Variants in BCL2L2 observed in about 807,000 individuals in gnomAD.
BCL2L2 encodes the protein BCL2 like 2, also known as bcl-2-like protein 2.
BCL2L2 carries 6 observed loss-of-function variants against 14.6 expected under a neutral mutation model. That is an observed-to-expected ratio of 0.41 (90% CI 0.22 to 0.81). BCL2L2 has a LOEUF of 0.81. Ranked by LOEUF, BCL2L2 falls within the 30% of genes least tolerant of loss-of-function variation. BCL2L2 has a pLI of 0.32. For synonymous variants in BCL2L2, 90 were observed against 108.5 expected, an observed-to-expected ratio of 0.83 and a Z score of 1.06; for missense variants, 191 against 260.5, an observed-to-expected ratio of 0.73 and a Z score of 1.84.
In BCL2L2 at chr14:23,310,425, C is replaced by G. The variant is rs1535094; in HGVS notation, c.*1460C>G. On this transcript the variant is annotated 3_prime_UTR_variant, in exon 4 of 4. Transcript: ENST00000250405. ...TGCCTGTGGTCCTGAGCACTGATCA[C>G]CTTAGCTAGACCATGGTTGACTCTT... The G allele has an allele frequency of 0.95, 955,347 of 1,007,250 alleles. 453,151 individuals carry two copies. Among genetic ancestry groups the G allele is most frequent in the East Asian group, 0.97 (8,797 of 9,088 alleles). The allele number at this position is 1,007,250 out of a possible 1,614,324, so 62.4% of individuals were successfully genotyped here.
At position 23,311,419 on chromosome 14, in the gene BCL2L2, G is replaced by A; in HGVS notation, c.*2454G>A. ...TTTCAAAGATTAAGTAGGAGGAGAG[G>A]GGTTTCTTGCTCTCCAGAGCCCAAA... On this transcript the variant is annotated 3_prime_UTR_variant, in exon 4 of 4. Coordinates refer to ENST00000250405, the MANE Select transcript of BCL2L2 (RefSeq NM_004050.5). 6.5e-6 allele frequency: 7 copies of A among 1,077,964 alleles called. 1 individual carries two copies. The highest frequency in any genetic ancestry group is 7.9e-6 in the Non-Finnish European group (7 of 886,592). 66.8% of individuals were successfully genotyped at this position (1,077,964 alleles called of 1,614,324 possible). A position where few individuals can be genotyped will look rare whatever the true frequency, so the allele number is the denominator to read the frequency against.
rs188775826 is a variant in BCL2L2 at position 23,310,458 on chromosome 14, A to T, written c.*1493A>T. On this transcript the variant is annotated 3_prime_UTR_variant, in exon 4 of 4. Transcript: ENST00000250405. ...AGACCATGGTTGACTCTTCTTGGAG[A>T]TTTTCACTTGGTCCTAGAATGTGGC... The T allele has an allele frequency of 5.0e-4, 509 of 1,008,062 alleles. 1 individual carries two copies. The highest frequency in any genetic ancestry group is 5.6e-4 in the Non-Finnish European group (469 of 844,196). 62.4% of individuals were successfully genotyped at this position (1,008,062 alleles called of 1,614,324 possible). A position where few individuals can be genotyped will look rare whatever the true frequency, so the allele number is the denominator to read the frequency against.
At position 23,309,915 on chromosome 14, in the gene BCL2L2, CCTAA is replaced by C. The variant is rs979201122; in HGVS notation, c.*955_*958del. 10 of 985,302 alleles carry C rather than the reference CCTAA, an allele frequency of 1.0e-5. No homozygotes were observed. In the East Asian group the frequency reaches 6.8e-4, roughly 67 times the overall value. The allele number at this position is 985,302 out of a possible 1,614,324, so 61.0% of individuals were successfully genotyped here. On this transcript the variant is annotated 3_prime_UTR_variant, in exon 4 of 4. Coordinates refer to ENST00000250405, the MANE Select transcript of BCL2L2 (RefSeq NM_004050.5). ...CCAAACTGAAACTCTAAATTGGGGC[CCTAA>C]CTAATTTTCCTTTTGAGGTTGTGGG... is the stretch of plus-strand genomic sequence containing the variant.
chr14:23,310,835 C>G lies in BCL2L2; in HGVS notation c.*1870C>G. ...GGCAATTTGCCCTCAAACAGAACAG[C>G]TCCCCTTGTAGCTGTCTTACATATT... On this transcript the variant is annotated 3_prime_UTR_variant, in exon 4 of 4. Coordinates refer to ENST00000250405, the MANE Select transcript of BCL2L2 (RefSeq NM_004050.5). The G allele has an allele frequency of 8.2e-7, 1 of 1,226,704 alleles. No individual in the cohort carries two copies. Among genetic ancestry groups the G allele is most frequent in the Non-Finnish European group, 1.1e-6 (1 of 945,502 alleles). The allele number at this position is 1,226,704 out of a possible 1,614,324, so 76.0% of individuals were successfully genotyped here.
Position 23,311,273 on chromosome 14 carries a change from C to G in BCL2L2, c.*2308C>G, listed in dbSNP as rs755553188. On this transcript the variant is annotated 3_prime_UTR_variant, in exon 4 of 4. Coordinates refer to ENST00000250405, the MANE Select transcript of BCL2L2 (RefSeq NM_004050.5). ...CTTCTGTCAGGGAAAACTAGGGACT[C>G]TCTTCTAGAGCCATATAGTTCCTTG... 19 of 1,198,830 alleles carry G rather than the reference C, an allele frequency of 1.6e-5. No individual in the cohort carries two copies. The highest frequency in any genetic ancestry group is 2.0e-5 in the Non-Finnish European group (19 of 951,468). The allele number at this position is 1,198,830 out of a possible 1,614,324, so 74.3% of individuals were successfully genotyped here. A position where few individuals can be genotyped will look rare whatever the true frequency, so the allele number is the denominator to read the frequency against.
At chr14:23,307,492 G>A (rs1887305285) in intron 2 of BCL2L2, among the ~76,000 whole-genome samples, 1 of 152,218 alleles carries the variant, frequency 6.6e-6, no homozygotes, top group South Asian at 2.1e-4. Flanking sequence ...AGCTGACGTT[G>A]TCTTATTGTG....
Position 23,308,962 on chromosome 14 carries a change from G to C in BCL2L2, c.579G>C (p.Lys193Asn), listed in dbSNP as rs780154342. 2 of 1,325,382 alleles carry C rather than the reference G, an allele frequency of 1.5e-6. No homozygotes were observed. The highest frequency in any genetic ancestry group is 1.9e-6 in the Non-Finnish European group (2 of 1,029,028). 82.1% of individuals were successfully genotyped at this position (1,325,382 alleles called of 1,614,324 possible). Reference protein sequence around the residue: ...LVTVGAFFASK With the variant: ...LVTVGAFFASN The stretch of plus-strand genomic sequence containing the variant: ...CTGTAGGGGCCTTTTTTGCTAGCAA[G>C]TGAAAGTCCAGGGCCAGGTGGGGCT... The change falls in exon 4 of 4, where the codon AAG (lysine) becomes AAC (asparagine). Residue 193 changes from lysine (K) to asparagine (N), a missense_variant. Lys to Asn is a moderately conservative substitution (Grantham distance 94, BLOSUM62 0). Coordinates refer to ENST00000250405, the MANE Select transcript of BCL2L2 (RefSeq NM_004050.5). The surrounding 1 kb of genome is among the most constrained non-coding windows in gnomAD (Gnocchi z 5.4).
chr14:23,308,449 A>G lies in BCL2L2; in HGVS notation c.432+250A>G, dbSNP rs1887394769. On this transcript the variant is annotated intron_variant, in intron 3 of 3. Coordinates refer to ENST00000250405, the MANE Select transcript of BCL2L2 (RefSeq NM_004050.5). The surrounding 1 kb of genome is among the most constrained non-coding windows in gnomAD (Gnocchi z 5.4). Reference sequence around the variant, plus strand: ...GAATACACACCCAAGGAGTGCCTGCAGGGGAATGTTGTCAGGGACTTTTTA... The same window carrying G: ...GAATACACACCCAAGGAGTGCCTGCGGGGGAATGTTGTCAGGGACTTTTTA... Among the ~76,000 whole-genome samples the G allele has an allele frequency of 6.6e-6, 1 of 152,092 alleles. No homozygotes were observed. The highest frequency in any genetic ancestry group is 1.5e-5 in the Non-Finnish European group (1 of 68,018).
In BCL2L2 at chr14:23,308,978, A is replaced by G; in HGVS notation, c.*13A>G. On this transcript the variant is annotated 3_prime_UTR_variant, in exon 4 of 4. Coordinates refer to ENST00000250405, the MANE Select transcript of BCL2L2 (RefSeq NM_004050.5). This position sits in a 1 kb window ranked among gnomAD's most constrained non-coding sequence, Gnocchi z 5.4. ...TGCTAGCAAGTGAAAGTCCAGGGCC[A>G]GGTGGGGCTAGGTGTGGCTGGGGGC... is the stretch of plus-strand genomic sequence containing the variant. The G allele has an allele frequency of 7.6e-7, 1 of 1,321,930 alleles. No individual in the cohort carries two copies. Among genetic ancestry groups the G allele is most frequent in the Non-Finnish European group, 9.7e-7 (1 of 1,027,066 alleles). The allele number at this position is 1,321,930 out of a possible 1,614,324, so 81.9% of individuals were successfully genotyped here.
chr14:23,311,447 G>T lies in BCL2L2; in HGVS notation c.*2482G>T. The T allele has an allele frequency of 3.8e-6, 4 of 1,046,090 alleles. 1 individual carries two copies. The South Asian group carries it at 1.3e-4, about 33-fold the overall frequency. 64.8% of individuals were successfully genotyped at this position (1,046,090 alleles called of 1,614,324 possible). On this transcript the variant is annotated 3_prime_UTR_variant, in exon 4 of 4. Coordinates refer to ENST00000250405, the MANE Select transcript of BCL2L2 (RefSeq NM_004050.5). Reference sequence around the variant, plus strand: ...TTTCTTGCTCTCCAGAGCCCAAAGGGACAAATAGGGACTTTGTTTAGGCCA... The same window carrying T: ...TTTCTTGCTCTCCAGAGCCCAAAGGTACAAATAGGGACTTTGTTTAGGCCA...
In BCL2L2 at chr14:23,307,786, GC is replaced by G; in HGVS notation, c.23del (p.Pro8GlnfsTer11). MATPAS[A>X]PDTRALVADF... is the part of the protein sequence containing the mutation. ...CGCCCGGATGGCGACCCCAGCCTCG[GC>G]CCCAGACACACGGGCTCTGGTGGCA... On this transcript the variant is annotated frameshift_variant, in exon 3 of 4. Transcript: ENST00000250405. LOFTEE classifies it high-confidence loss of function. The G allele has an allele frequency of 6.5e-7, 1 of 1,533,020 alleles. No individual in the cohort carries two copies. Among genetic ancestry groups the G allele is most frequent in the Non-Finnish European group, 8.8e-7 (1 of 1,141,930 alleles). 95.0% of individuals were successfully genotyped at this position (1,533,020 alleles called of 1,614,324 possible). A position where few individuals can be genotyped will look rare whatever the true frequency, so the allele number is the denominator to read the frequency against.
rs1384748377 is a variant in BCL2L2, at chr14:23,308,154, C to T, written c.387C>T (p.Tyr129=). The T allele has an allele frequency of 5.0e-6, 8 of 1,613,494 alleles. No individual in the cohort carries two copies. Among genetic ancestry groups the T allele is most frequent in the Non-Finnish European group, 6.8e-6 (8 of 1,179,958 alleles). ...AAGTGCAGGAGTGGATGGTGGCCTA[C>T]CTGGAGACGCAGCTGGCTGACTGGA... ...VGQVQEWMVA[Y]LETQLADWIH... is the part of the protein sequence containing the mutation. The change falls in exon 3 of 4, where the codon TAC becomes TAT. Residue 129 remains tyrosine, a synonymous_variant. Transcript: ENST00000250405. This position sits in a 1 kb window ranked among gnomAD's most constrained non-coding sequence, Gnocchi z 5.4.
chr14:23,311,036 G>T lies in BCL2L2; in HGVS notation c.*2071G>T, dbSNP rs1166956694. 3.1e-6 allele frequency: 4 copies of T among 1,289,354 alleles called. No individual in the cohort carries two copies. The highest frequency in any genetic ancestry group is 4.0e-6 in the Non-Finnish European group (4 of 988,704). 79.9% of individuals were successfully genotyped at this position (1,289,354 alleles called of 1,614,324 possible). On this transcript the variant is annotated 3_prime_UTR_variant, in exon 4 of 4. Transcript: ENST00000250405. ...ACACATATCCCTGTTAGCATTCCCCGGGACCTTTAGCCAAGAGGAGCTGCA... is the reference window on the plus strand; with the variant it reads ...ACACATATCCCTGTTAGCATTCCCCTGGACCTTTAGCCAAGAGGAGCTGCA...
In BCL2L2 at chr14:23,311,700, A is replaced by G. The variant is rs1887626389; in HGVS notation, c.*2735A>G. 1 of 936,440 alleles carries G rather than the reference A, an allele frequency of 1.1e-6. No homozygotes were observed. The highest frequency in any genetic ancestry group is 1.8e-5 in the African/African-American group (1 of 56,192). 58.0% of individuals were successfully genotyped at this position (936,440 alleles called of 1,614,324 possible). A position where few individuals can be genotyped will look rare whatever the true frequency, so the allele number is the denominator to read the frequency against. The stretch of plus-strand genomic sequence containing the variant: ...CATTTGACTTTTATTTTTGTGTAAT[A>G]TGTAATGATCGTATTAAAAACAATA... On this transcript the variant is annotated 3_prime_UTR_variant, in exon 4 of 4. Coordinates refer to ENST00000250405, the MANE Select transcript of BCL2L2 (RefSeq NM_004050.5).
At position 23,308,460 on chromosome 14, in the gene BCL2L2, G is replaced by A. The variant is rs1887395856; in HGVS notation, c.432+261G>A. Among the ~76,000 whole-genome samples, 1 of 152,128 alleles carries A rather than the reference G, an allele frequency of 6.6e-6. No individual in the cohort carries two copies. Among genetic ancestry groups the A allele is most frequent in the Non-Finnish European group, 1.5e-5 (1 of 68,018 alleles). ...CAAGGAGTGCCTGCAGGGGAATGTT[G>A]TCAGGGACTTTTTACATCTGAGTCA... On this transcript the variant is annotated intron_variant, in intron 3 of 3. Transcript: ENST00000250405. This position sits in a 1 kb window ranked among gnomAD's most constrained non-coding sequence, Gnocchi z 5.4.
At position 23,310,671 on chromosome 14, in the gene BCL2L2, T is replaced by C. The variant is rs1887555079; in HGVS notation, c.*1706T>C. 1.6e-5 allele frequency: 18 copies of C among 1,136,394 alleles called. No individual in the cohort carries two copies. The highest frequency in any genetic ancestry group is 2.0e-5 in the Non-Finnish European group (18 of 917,954). 70.4% of individuals were successfully genotyped at this position (1,136,394 alleles called of 1,614,324 possible). On this transcript the variant is annotated 3_prime_UTR_variant, in exon 4 of 4. Coordinates refer to ENST00000250405, the MANE Select transcript of BCL2L2 (RefSeq NM_004050.5). ...CTCAGAGCCAGCTTGTGGCAAGCAG[T>C]TGGGGTGGGGGGTCTCTGACTTGCT...
Position 23,310,987 on chromosome 14 carries a change from C to A in BCL2L2, c.*2022C>A. The A allele has an allele frequency of 7.8e-7, 1 of 1,289,660 alleles. No individual in the cohort carries two copies. The highest frequency in any genetic ancestry group is 1.5e-5 in the African/African-American group (1 of 65,988). The allele number at this position is 1,289,660 out of a possible 1,614,324, so 79.9% of individuals were successfully genotyped here. On this transcript the variant is annotated 3_prime_UTR_variant, in exon 4 of 4. Coordinates refer to ENST00000250405, the MANE Select transcript of BCL2L2 (RefSeq NM_004050.5). ...TCCTTCCCCAGGTATGGAGCACACTCTTCACCCTACCCTCTACCACAGGAC... is the reference window on the plus strand; with the variant it reads ...TCCTTCCCCAGGTATGGAGCACACTATTCACCCTACCCTCTACCACAGGAC...
Position 23,308,936 on chromosome 14 carries a change from A to G in BCL2L2, c.553A>G (p.Thr185Ala). Reference sequence around the variant, plus strand: ...GGCCGTGGCACTGGGGGCCCTGGTAACTGTAGGGGCCTTTTTTGCTAGCAA... The same window carrying G: ...GGCCGTGGCACTGGGGGCCCTGGTAGCTGTAGGGGCCTTTTTTGCTAGCAA... The part of the protein sequence containing the change: ...TGAVALGALV[T>A]VGAFFASK The change falls in exon 4 of 4, where the codon ACT becomes GCT. Residue 185 changes from threonine to alanine, a missense_variant. Transcript: ENST00000250405. This position sits in a 1 kb window ranked among gnomAD's most constrained non-coding sequence, Gnocchi z 5.4. 7.6e-7 allele frequency: 1 copy of G among 1,322,924 alleles called. No individual in the cohort carries two copies. The highest frequency in any genetic ancestry group is 2.8e-5 in the East Asian group (1 of 35,766). The allele number at this position is 1,322,924 out of a possible 1,614,324, so 81.9% of individuals were successfully genotyped here. A position where few individuals can be genotyped will look rare whatever the true frequency, so the allele number is the denominator to read the frequency against.
At position 23,309,428 on chromosome 14, in the gene BCL2L2, C is replaced by CGCGTGT; in HGVS notation, c.*466_*471dup. On this transcript the variant is annotated 3_prime_UTR_variant, in exon 4 of 4. Coordinates refer to ENST00000250405, the MANE Select transcript of BCL2L2 (RefSeq NM_004050.5). ...CTGTTAACAGTGGGCTGCTTGGACA[C>CGCGTGT]GCGTGTGCATGTGCACGCATGCTGG... 9 of 989,972 alleles carry CGCGTGT rather than the reference C, an allele frequency of 9.1e-6. No individual in the cohort carries two copies. The highest frequency in any genetic ancestry group is 1.1e-5 in the Non-Finnish European group (9 of 833,058). 61.3% of individuals were successfully genotyped at this position (989,972 alleles called of 1,614,324 possible).
Sources: allele counts gnomAD v4.1 joint callset (sites outside exome capture counted in the v4.1 genomes callset), GRCh38; gene constraint gnomAD v4.1.1; non-coding constraint Gnocchi (gnomAD v3.1); transcripts MANE v1.5; gene names NCBI Gene and HGNC (gene_info 2026-07-23, HGNC 2026-07-21).